JARID2: variants seen among roughly 807,000 people sequenced by gnomAD.
JARID2 encodes the protein protein Jumonji.
JARID2 carries 21 observed loss-of-function variants against 125.6 expected under a neutral mutation model. The observed-to-expected ratio is 0.17, with a 90% CI of 0.12 to 0.24. JARID2 has a LOEUF of 0.24. JARID2 is among the 10% of genes least tolerant of loss of function. The pLI, the probability that JARID2 is intolerant of heterozygous loss-of-function variation, is 1.00. For synonymous variants in JARID2, 736 were observed against 661.6 expected, an observed-to-expected ratio of 1.11 and a Z score of -1.73; for missense variants, 1,303 against 1,639.6, an observed-to-expected ratio of 0.79 and a Z score of 3.55.
At chr6:15,439,378 C>G (rs1767352237) in intron 3 of JARID2, among the ~76,000 whole-genome samples, 2 of 152,150 alleles carry the variant, frequency 1.3e-5, no homozygotes, top group East Asian at 1.9e-4. Flanking sequence ...CCGTTTCTTT[C>G]ACTCCTGGTT....
At chr6:15,287,792 C>T (rs1425022389) in intron 1 of JARID2, among the ~76,000 whole-genome samples, 1 of 152,306 alleles carries the variant, frequency 6.6e-6, no homozygotes, top group East Asian at 1.9e-4. Flanking sequence ...GTTAAACATG[C>T]CCATAGCTGC....
chr6:15,399,484 G>A (rs529074845), intron 2 of JARID2, among the ~76,000 whole-genome samples: 1 of 152,020 alleles, frequency 6.6e-6, no homozygotes, highest in Admixed American at 6.6e-5. Flanking sequence ...ATCTACCTTC[G>A]TGATGTCTGT....
Position 15,452,173 on chromosome 6 carries a change from G to A in JARID2, c.491G>A (p.Arg164Gln), listed in dbSNP as rs1396135528. ...GATTTTCTTACCTTTCTCTGCCTTC[G>A]AGGTAAGACTTTGCAACCATCGGCG... is the stretch of plus-strand genomic sequence containing the variant. Reference protein sequence around the residue: ...TEDFLTFLCLRGSPALPNSMV... With the variant: ...TEDFLTFLCLQGSPALPNSMV... Residue 164 changes from arginine (R) to glutamine (Q), a missense_variant and splice_region_variant, in exon 4 of 18, where the codon CGA (arginine) becomes CAA (glutamine). Around this residue, in one of 11 missense-constraint regions of JARID2, gnomAD observed 5 missense variants for 18.5 expected, o/e 0.27. Transcript: ENST00000341776. 1.9e-6 allele frequency: 3 copies of A among 1,613,502 alleles called. No homozygotes were observed. Among genetic ancestry groups the A allele is most frequent in the South Asian group, 2.2e-5 (2 of 91,044 alleles).
intron 2 of JARID2, among the ~76,000 whole-genome samples, chr6:15,406,493 A>C (rs766728505): frequency 1.3e-5 from 2 of 152,040 alleles, no homozygotes; most frequent in Non-Finnish European, 2.9e-5. Context: ...TTCCTTATGT[A>C]TGGGCCCCAT....
chr6:15,398,708 G>T (rs145285711), intron 2 of JARID2, among the ~76,000 whole-genome samples: 6 of 152,158 alleles, frequency 3.9e-5, no homozygotes, highest in African/African-American at 1.4e-4. Flanking sequence ...TTAAATACCC[G>T]TTTCTCTTTA....
chr6:15,508,539 C>G, intron 12 of JARID2, 85 bp downstream of exon 12: 1 of 769,770 alleles, frequency 1.3e-6, no homozygotes, highest in Non-Finnish European at 2.3e-6. Context: ...AACTTCTTGT[C>G]CAGGTGGTTC....
At chr6:15,264,223 CTT>C (rs1451560069) in intron 1 of JARID2, among the ~76,000 whole-genome samples, 3 of 152,176 alleles carry the variant, frequency 2.0e-5, no homozygotes, top group Admixed American at 2.0e-4. Flanking sequence ...GTGTGGGTGT[CTT>C]TGCCTTCCTA....
chr6:15,299,705 C>T (rs935835104), intron 1 of JARID2, among the ~76,000 whole-genome samples: 4 of 152,260 alleles, frequency 2.6e-5, no homozygotes, highest in South Asian at 4.1e-4. Context: ...AGATGGTTCT[C>T]AGTGGCAGTT....
intron 6 of JARID2, among the ~76,000 whole-genome samples, chr6:15,487,826 GGCTCCAGATGA>G (rs1268176084): frequency 1.1e-5 from 1 of 88,214 alleles, no homozygotes; most frequent in African/African-American, 4.3e-5. Context: ...ACCCACCCTG[GGCTCCAGATGA>G]GCGGTAGAGT....
intron 3 of JARID2, among the ~76,000 whole-genome samples, chr6:15,430,416 A>G (rs1295942806): frequency 1.3e-5 from 2 of 152,232 alleles, no homozygotes; most frequent in Admixed American, 6.5e-5. Flanking sequence ...AACAAGAACC[A>G]TGCTTGATAC....
At chr6:15,269,999 A>G (rs985955859) in intron 1 of JARID2, among the ~76,000 whole-genome samples, 29 of 152,316 alleles carry the variant, frequency 1.9e-4, no homozygotes, top group African/African-American at 2.6e-4. Flanking sequence ...CATAAAGAAT[A>G]TTAACACAAG....
At chr6:15,378,042 A>G (rs967692367) in intron 2 of JARID2, among the ~76,000 whole-genome samples, 1 of 150,478 alleles carries the variant, frequency 6.6e-6, no homozygotes, top group Non-Finnish European at 1.5e-5. Flanking sequence ...GCGCCACCAC[A>G]CCCAGCTAAT....
At position 15,272,989 on chromosome 6, in the gene JARID2, A is replaced by G. The variant is rs185605222; in HGVS notation, c.45+26405A>G. ...TGATTTTTCTTCCTGGAGTTAGGTTAAGAGGTTATATTTGTGTTTTCTTAT... is the reference window on the plus strand; with the variant it reads ...TGATTTTTCTTCCTGGAGTTAGGTTGAGAGGTTATATTTGTGTTTTCTTAT... On this transcript the variant is annotated intron_variant, in intron 1 of 17. Transcript: ENST00000341776. Among the ~76,000 whole-genome samples the G allele has an allele frequency of 1.4e-4, 21 of 152,306 alleles. No individual in the cohort carries two copies. The Middle Eastern group carries it at 0.014, about 99-fold the overall frequency.
At chr6:15,336,826 G>C (rs1164649269) in intron 1 of JARID2, among the ~76,000 whole-genome samples, 1 of 152,000 alleles carries the variant, frequency 6.6e-6, no homozygotes. Flanking sequence ...GGGATTACCT[G>C]TGCGAGCCAC....
chr6:15,456,165 CTA>C (rs1305618679), intron 4 of JARID2, among the ~76,000 whole-genome samples: 1 of 152,174 alleles, frequency 6.6e-6, no homozygotes, highest in Admixed American at 6.5e-5. Context: ...TGTGCGTGCA[CTA>C]TCTTATAACA....
intron 3 of JARID2, among the ~76,000 whole-genome samples, chr6:15,415,517 G>GCCGGGCAGAGGCGCCCCTCATCTC (rs1766117721): frequency 4.4e-5 from 6 of 136,274 alleles, no homozygotes; most frequent in Non-Finnish European, 9.6e-5. Context: ...AGTAGGGGCT[G>GCCGGGCAGAGGCGCCCCTCATCTC]CCGGGCAGAG....
At chr6:15,479,162 T>TA (rs1004151289) in intron 5 of JARID2, among the ~76,000 whole-genome samples, 2 of 152,142 alleles carry the variant, frequency 1.3e-5, no homozygotes, top group African/African-American at 4.8e-5. Context: ...GTTCCTCCCT[T>TA]ACCATTAACG....
At chr6:15,416,243 A>ATGGGC (rs1766202067) in intron 3 of JARID2, among the ~76,000 whole-genome samples, 1 of 145,994 alleles carries the variant, frequency 6.8e-6, no homozygotes, top group Non-Finnish European at 1.5e-5. Flanking sequence ...GTCCCAGACG[A>ATGGGC]TGGGCGGCCA....
chr6:15,246,544 G>C lies in JARID2; in HGVS notation c.5G>C (p.Ser2Thr). Reference protein sequence around the residue: MSKERPKRNIIQ... With the variant: MTKERPKRNIIQ... ...AATCAGCATTTGGATCTCAGAATGA[G>C]CAAGGAAAGACCCAAGAGGAATATC... The change falls in exon 1 of 18, where the codon AGC becomes ACC. Residue 2 changes from serine to threonine, a missense_variant. Around this residue, in one of 11 missense-constraint regions of JARID2, gnomAD observed 93 missense variants for 120.4 expected, o/e 0.77. Transcript: ENST00000341776. 1 of 1,613,414 alleles carries C rather than the reference G, an allele frequency of 6.2e-7. No individual in the cohort carries two copies. Among genetic ancestry groups the C allele is most frequent in the Non-Finnish European group, 8.5e-7 (1 of 1,179,438 alleles).
Sources: allele counts gnomAD v4.1 joint callset (sites outside exome capture counted in the v4.1 genomes callset), GRCh38; gene constraint gnomAD v4.1.1; regional missense constraint gnomAD v4.1.1; transcripts MANE v1.5; gene names NCBI Gene and HGNC (gene_info 2026-07-23, HGNC 2026-07-21).